The following CSTF2 variants were observed in gnomAD, a reference collection of about 807,000 sequenced individuals.
CSTF2 encodes the protein cleavage stimulation factor subunit 2.
In CSTF2, 8 loss-of-function variants were observed where a neutral mutation model predicts 45.4. The observed-to-expected ratio is 0.18, with a 90% CI of 0.10 to 0.32. The LOEUF is 0.32. Among genes scored for constraint, CSTF2 ranks in the 10% least tolerant of loss-of-function variants. The pLI is 1.00. For synonymous variants in CSTF2, 155 were observed against 158.9 expected (o/e 0.98, Z 0.18); for missense variants, 253 against 477.1 (o/e 0.53, Z 4.38).
chrX:100,840,312 A>C (rs1444834441), intron 13 of CSTF2, among the ~76,000 whole-genome samples: 1 of 112,114 alleles, frequency 8.9e-6, no homozygotes, highest in African/African-American at 3.2e-5. Flanking sequence ...AATGGTTCTC[A>C]AACAAGGGCA....
At chrX:100,823,238 GA>G (rs749279610) in intron 3 of CSTF2, 53 bp from the exon 4 acceptor site, 130 of 1,180,894 alleles carry the variant, frequency 1.1e-4, no homozygotes, top group Non-Finnish European at 1.5e-4. Context: ...TATTTGAAAT[GA>G]TTTAGCTTTT....
intron 8 of CSTF2, among the ~76,000 whole-genome samples, chrX:100,829,462 C>T (rs1383528273): frequency 9.0e-6 from 1 of 111,178 alleles, no homozygotes; most frequent in African/African-American, 3.3e-5. Context: ...CACTGCACTC[C>T]AGCCTGGGCA....
chrX:100,830,779 T>G, intron 8 of CSTF2: 1 of 1,119,080 alleles, frequency 8.9e-7, no homozygotes, highest in Non-Finnish European at 1.2e-6. Flanking sequence ...TGTCTGCTCT[T>G]TCTCCTTTTG....
At chrX:100,838,043 T>A (rs1262476924) in intron 12 of CSTF2, among the ~76,000 whole-genome samples, 196 bp from the exon 13 acceptor site, 2 of 111,317 alleles carry the variant, frequency 1.8e-5, no homozygotes, top group Non-Finnish European at 3.8e-5. Flanking sequence ...TCACCAGTTT[T>A]TTTTTATTTT....
At chrX:100,830,796 C>T in intron 8 of CSTF2, 1 of 1,148,396 alleles carries the variant, frequency 8.7e-7, no homozygotes, top group Non-Finnish European at 1.2e-6. Context: ...TTTGAACTTA[C>T]TGCTTACCTA....
At chrX:100,838,217 CT>C (rs369079352) in intron 12 of CSTF2, 21 bp from the exon 13 acceptor site, 1,027 of 999,809 alleles carry the variant, frequency 1.0e-3, no homozygotes, top group Middle Eastern at 2.4e-3. Flanking sequence ...AACTCACTAC[CT>C]TTTTTTTTTC....
At chrX:100,822,205 T>G in intron 2 of CSTF2, 46 bp from the exon 3 acceptor site, 1 of 1,082,810 alleles carries the variant, frequency 9.2e-7, no homozygotes, top group Non-Finnish European at 1.3e-6. Flanking sequence ...GCAGGAACCC[T>G]GTATGTGTGT....
chrX:100,826,292 T>G (rs1223495816), intron 6 of CSTF2, among the ~76,000 whole-genome samples: 11 of 77,364 alleles, frequency 1.4e-4, no homozygotes, highest in Admixed American at 5.1e-4. Context: ...GGTTTAGGGC[T>G]TTTTTTTTTT....
Position 100,837,306 on chromosome X carries a change from C to A in CSTF2, c.1501-33C>A, listed in dbSNP as rs753960125. On this transcript the variant is annotated intron_variant, in intron 11 of 13. Coordinates refer to ENST00000372972, the MANE Select transcript of CSTF2 (RefSeq NM_001325.3). ...TCAGGTTACCTATACATTAAAAATGCCAAAAATCTCTCTTTTCTCTTTGTA... is the reference window on the plus strand; with the variant it reads ...TCAGGTTACCTATACATTAAAAATGACAAAAATCTCTCTTTTCTCTTTGTA... 3 of 1,095,525 alleles carry A rather than the reference C, an allele frequency of 2.7e-6. No homozygotes were observed. The African/African-American group carries it at 5.5e-5, about 20-fold the overall frequency. The allele number at this position is 1,095,525 out of a possible 1,213,427, so 90.3% of individuals were successfully genotyped here.
At chrX:100,832,959 G>C (rs2084984815) in intron 10 of CSTF2, 50 bp downstream of exon 10, 1 of 1,107,352 alleles carries the variant, frequency 9.0e-7, no homozygotes, top group African/African-American at 1.8e-5. Context: ...ACTGTCTTAG[G>C]CTCTAATCTG....
intron 3 of CSTF2, 69 bp downstream of exon 3, chrX:100,822,489 T>C: frequency 9.3e-7 from 1 of 1,079,322 alleles, no homozygotes. Context: ...TTTCCATTTC[T>C]GATATGTTTT....
chrX:100,837,538 C>G (rs1264710280), intron 12 of CSTF2, 89 bp downstream of exon 12: 1 of 552,664 alleles, frequency 1.8e-6, no homozygotes, highest in Non-Finnish European at 2.9e-6. Context: ...GATCCTGGGT[C>G]TTCAAAGTCC....
chrX:100,828,682 C>G (rs1050392712), intron 8 of CSTF2, among the ~76,000 whole-genome samples: 7 of 112,011 alleles, frequency 6.2e-5, no homozygotes, highest in African/African-American at 2.3e-4. Context: ...TCCAAAATCT[C>G]CATGTTGTTT....
chrX:100,822,681 C>G, intron 3 of CSTF2: 1 of 381,234 alleles, frequency 2.6e-6, no homozygotes, highest in East Asian at 6.0e-5. Flanking sequence ...CAAACCGTTT[C>G]AAAACTGTTC....
chrX:100,827,329 C>T (rs1353419109), intron 7 of CSTF2, among the ~76,000 whole-genome samples: 1 of 112,137 alleles, frequency 8.9e-6, no homozygotes, highest in Admixed American at 9.4e-5. Flanking sequence ...ATGTATAGAT[C>T]GGCAATTAAT....
chrX:100,836,216 T>A (rs2085007473), intron 11 of CSTF2, among the ~76,000 whole-genome samples: 1 of 112,746 alleles, frequency 8.9e-6, no homozygotes, highest in Admixed American at 9.3e-5. Flanking sequence ...TTAACTTTTT[T>A]AATAAAAAAT....
chrX:100,826,424 G>A (rs2084944974), intron 6 of CSTF2, among the ~76,000 whole-genome samples: 1 of 109,131 alleles, frequency 9.2e-6, no homozygotes, highest in African/African-American at 3.3e-5. Flanking sequence ...TCTTAACCGT[G>A]TTCCATATAA....
At chrX:100,838,835 T>C (rs767981484) in intron 13 of CSTF2, among the ~76,000 whole-genome samples, 3 of 111,958 alleles carry the variant, frequency 2.7e-5, no homozygotes, top group African/African-American at 9.7e-5. Context: ...ATTTTGATGT[T>C]GAACTATAGT....
chrX:100,836,960 T>C (rs2085012266), intron 11 of CSTF2, among the ~76,000 whole-genome samples: 1 of 111,904 alleles, frequency 8.9e-6, no homozygotes, highest in Non-Finnish European at 1.9e-5. Flanking sequence ...ACTTCCCCAG[T>C]GGACCAGCAT....
Sources: gnomAD v4.1 joint callset for allele counts (sites outside exome capture counted in the v4.1 genomes callset) on GRCh38, gnomAD v4.1.1 for gene constraint, MANE v1.5 for transcripts, NCBI Gene and HGNC (gene_info 2026-07-23, HGNC 2026-07-21) for gene names.